SF3A1: variants seen among roughly 807,000 people sequenced by gnomAD.
SF3A1 encodes the protein splicing factor 3a subunit 1.
SF3A1 carries 13 observed loss-of-function variants against 89.9 expected under a neutral mutation model. The ratio of observed to expected loss-of-function variants is 0.14; its 90% confidence interval spans 0.09 to 0.23. The LOEUF (loss-of-function observed/expected upper bound fraction) is 0.23, where lower values mean the gene tolerates loss of function less well. SF3A1 is among the 10% of genes least tolerant of loss of function. The pLI, the probability that SF3A1 is intolerant of heterozygous loss-of-function variation, is 1.00. For missense variants in SF3A1, 604 were observed against 1,022.1 expected (o/e 0.59, Z 5.58); for synonymous variants, 405 against 374.4 (o/e 1.08, Z -0.94).
chr22:30,340,202 C>T lies in SF3A1; in HGVS notation c.1369G>A (p.Ala457Thr). 1.3e-6 allele frequency: 2 copies of T among 1,555,060 alleles called. No individual in the cohort carries two copies. The highest frequency in any genetic ancestry group is 2.3e-5 in the East Asian group (1 of 43,484). ...CCTGGAACCCCCACCTCACCTGGTG[C>T]GTACACCTCATCATCGCTCTGCTTC... ...REKQSDDEVY[A>T]PGLDIESSLK... The change falls in exon 9 of 16, where the codon GCA becomes ACA. Residue 457 changes from alanine to threonine, a missense_variant. Ala to Thr is a moderately conservative substitution (Grantham distance 58). This residue lies in a region of SF3A1 where 146 missense variants were observed against 228.5 expected (regional missense o/e 0.64). Coordinates refer to ENST00000215793, the MANE Select transcript of SF3A1 (RefSeq NM_005877.6).
Position 30,340,266 on chromosome 22 carries a change from G to A in SF3A1, c.1305C>T (p.Asp435=). ...MQEHMRIGLL[D]PRWLEQRDRS... is the part of the protein sequence containing the mutation. ...GATCCCGCTGCTCCAGCCAGCGAGG[G>A]TCAAGAAGTCCAATGCGCATGTGTT... The change falls in exon 9 of 16, where the codon GAC becomes GAT. Residue 435 remains aspartate, a synonymous_variant. Coordinates refer to ENST00000215793, the MANE Select transcript of SF3A1 (RefSeq NM_005877.6). The A allele has an allele frequency of 6.2e-7, 1 of 1,612,540 alleles. No individual in the cohort carries two copies.
chr22:30,342,733 C>A, intron 5 of SF3A1, 72 bp downstream of exon 5: 1 of 996,548 alleles, frequency 1.0e-6, no homozygotes. Flanking sequence ...GGTCCTGCCT[C>A]AGAGACTGTT....
At chr22:30,335,789 C>T in intron 13 of SF3A1, 36 bp from the exon 14 acceptor site, 1 of 1,546,572 alleles carries the variant, frequency 6.5e-7, no homozygotes, top group Non-Finnish European at 8.9e-7. Context: ...GCCTAGGGAG[C>T]TCGGAGCCAA....
rs148174203 is a variant in SF3A1, at chr22:30,341,035, A to C, written c.1072-223T>G. On this transcript the variant is annotated intron_variant, in intron 7 of 15. Transcript: ENST00000215793. ...CACGGTCCTAGCACTCCTCCCAGGC[A>C]TTTCCAGCAGCTGGCACCAGGCAGT... Among the ~76,000 whole-genome samples the C allele has an allele frequency of 6.0e-3, 848 of 140,506 alleles. 10 individuals are homozygous for C. Among genetic ancestry groups the C allele is most frequent in the Non-Finnish European group, 7.4e-3 (485 of 65,912 alleles). The allele number at this position is 140,506 out of a possible 152,430, so 92.2% of individuals were successfully genotyped here. A position where few individuals can be genotyped will look rare whatever the true frequency, so the allele number is the denominator to read the frequency against.
chr22:30,356,645 T>G (rs1332831747), intron 1 of SF3A1, 85 bp downstream of exon 1: 1 of 1,101,978 alleles, frequency 9.1e-7, no homozygotes, highest in African/African-American at 1.6e-5. Context: ...AAGCCCTTCA[T>G]AGCGGCCGGC....
rs1601688548 is a variant in SF3A1 at position 30,334,385 on chromosome 22, A to C, written c.*209T>G. On this transcript the variant is annotated 3_prime_UTR_variant, in exon 16 of 16. Transcript: ENST00000215793. ...ACCCTAACACAAAGAGATTCCAGAGAGTGGCTTAGAAAACCCAGCTACTCT... is the reference window on the plus strand; with the variant it reads ...ACCCTAACACAAAGAGATTCCAGAGCGTGGCTTAGAAAACCCAGCTACTCT... 4.4e-6 allele frequency: 2 copies of C among 450,242 alleles called. No homozygotes were observed. Among genetic ancestry groups the C allele is most frequent in the East Asian group, 8.3e-5 (2 of 24,096 alleles). 27.9% of individuals were successfully genotyped at this position (450,242 alleles called of 1,614,324 possible).
Position 30,335,608 on chromosome 22 carries a change from TTGG to T in SF3A1, c.2208+41_2208+43del. On this transcript the variant is annotated intron_variant, in intron 14 of 15. Coordinates refer to ENST00000215793, the MANE Select transcript of SF3A1 (RefSeq NM_005877.6). ...CTAGAGGAAGCTTTCCCCTGAATGC[TTGG>T]TTCCCATGCACCTGATGCCAGTTTC... is the stretch of plus-strand genomic sequence containing the variant. The T allele has an allele frequency of 1.9e-6, 3 of 1,611,030 alleles. No individual in the cohort carries two copies. The South Asian group carries it at 3.3e-5, about 18-fold the overall frequency.
chr22:30,346,263 G>T, intron 3 of SF3A1, 49 bp downstream of exon 3: 1 of 1,269,268 alleles, frequency 7.9e-7, no homozygotes, highest in Non-Finnish European at 1.1e-6. Context: ...CCCTATCCCT[G>T]TTTCCCTCTC....
At chr22:30,354,406 C>A (rs750558569) in intron 1 of SF3A1, among the ~76,000 whole-genome samples, 2 of 152,204 alleles carry the variant, frequency 1.3e-5, no homozygotes, top group African/African-American at 4.8e-5. Flanking sequence ...AAACTCTCAA[C>A]TCCTAGGCCC....
intron 2 of SF3A1, among the ~76,000 whole-genome samples, chr22:30,347,340 G>A (rs150567318): frequency 6.8e-4 from 104 of 152,166 alleles, no homozygotes; most frequent in African/African-American, 2.3e-3. Flanking sequence ...TTGGTTTAAC[G>A]CCTTGTCCAA....
intron 2 of SF3A1, among the ~76,000 whole-genome samples, chr22:30,351,083 T>C (rs569010004): frequency 1.3e-5 from 2 of 152,268 alleles, no homozygotes; most frequent in Non-Finnish European, 2.9e-5. Context: ...GGGGGATCAT[T>C]AAGTCAAGAG....
Position 30,341,845 on chromosome 22 carries a change from G to A in SF3A1, c.918C>T (p.Ala306=). ...PPPTTPEELG[A]RILIQERYEK... is the part of the protein sequence containing the mutation. ...CATAGCGCTCCTGAATGAGGATTCG[G>A]GCCCCCAGCTCCTCTGGCGTGGTGG... The change falls in exon 7 of 16, where the codon GCC becomes GCT. Residue 306 remains alanine, a synonymous_variant. Transcript: ENST00000215793. The A allele has an allele frequency of 6.2e-7, 1 of 1,613,842 alleles. No homozygotes were observed. Among genetic ancestry groups the A allele is most frequent in the South Asian group, 1.1e-5 (1 of 91,076 alleles).
At chr22:30,352,291 A>G (rs1464562005) in intron 2 of SF3A1, among the ~76,000 whole-genome samples, 1 of 151,458 alleles carries the variant, frequency 6.6e-6, no homozygotes, top group Non-Finnish European at 1.5e-5. Context: ...GGGGAGAGAG[A>G]GGATCTCTGA....
At chr22:30,343,606 G>A (rs962932024) in intron 4 of SF3A1, among the ~76,000 whole-genome samples, 1 of 152,136 alleles carries the variant, frequency 6.6e-6, no homozygotes, top group African/African-American at 2.4e-5. Flanking sequence ...ACAGACAGCA[G>A]GAACCTCAAG....
In SF3A1 at chr22:30,353,068, G is replaced by C; in HGVS notation, c.68C>G (p.Thr23Arg). 1 of 1,614,018 alleles carries C rather than the reference G, an allele frequency of 6.2e-7. No homozygotes were observed. Among genetic ancestry groups the C allele is most frequent in the Non-Finnish European group, 8.5e-7 (1 of 1,179,936 alleles). Residue 23 changes from threonine to arginine, a missense_variant, in exon 2 of 16, where the codon ACA (threonine) becomes AGA (arginine). Physicochemically the swap from Thr to Arg is moderately conservative, Grantham distance 71 (BLOSUM62 -1). Around this residue, in one of 9 missense-constraint regions of SF3A1, gnomAD observed 55 missense variants for 43.8 expected, o/e 1.25. Transcript: ENST00000215793. ...PPVPTEPKQP[T>R]EEEASSKEDS... is the part of the protein sequence containing the mutation. ...CTCCTTTGAAGATGCTTCTTCTTCT[G>C]TGGGCTGTGCAAACAGGAAAAGAAA...
intron 6 of SF3A1, 130 bp downstream of exon 6, chr22:30,342,070 G>C: frequency 8.1e-7 from 1 of 1,241,390 alleles, no homozygotes; most frequent in Admixed American, 2.0e-5. Context: ...AGTCTTTTGG[G>C]AGCAGGGAGG....
At chr22:30,356,479 G>A (rs558948910) in intron 1 of SF3A1, among the ~76,000 whole-genome samples, 2 of 152,344 alleles carry the variant, frequency 1.3e-5, no homozygotes, top group Admixed American at 6.5e-5. Context: ...AAAGATCTAC[G>A]GCGGAGACTC....
At chr22:30,355,568 C>T (rs1931769026) in intron 1 of SF3A1, among the ~76,000 whole-genome samples, 2 of 152,338 alleles carry the variant, frequency 1.3e-5, no homozygotes, top group Admixed American at 1.3e-4. Flanking sequence ...ACTCCCTTTT[C>T]TTCCCACTGT....
At chr22:30,337,588 T>C in intron 12 of SF3A1, 102 bp downstream of exon 12, 1 of 735,746 alleles carries the variant, frequency 1.4e-6, no homozygotes, top group Non-Finnish European at 2.5e-6. Flanking sequence ...CTGGATACCC[T>C]GCTGGAACAG....
Sources: allele counts gnomAD v4.1 joint callset (sites outside exome capture counted in the v4.1 genomes callset), GRCh38; gene constraint gnomAD v4.1.1; regional missense constraint gnomAD v4.1.1; transcripts MANE v1.5; gene names NCBI Gene and HGNC (gene_info 2026-07-23, HGNC 2026-07-21).